Variants in KCND2 observed in about 807,000 individuals in gnomAD.
The protein encoded by KCND2 is A-type voltage-gated potassium channel KCND2.
Under a neutral mutation model 54.4 loss-of-function variants are expected in KCND2, and 16 were observed. The ratio of observed to expected loss-of-function variants is 0.29; its 90% confidence interval spans 0.20 to 0.45. The LOEUF (loss-of-function observed/expected upper bound fraction) is 0.45. KCND2 is among the 20% of genes least tolerant of loss of function. The pLI, the probability that KCND2 is intolerant of heterozygous loss-of-function variation, is 1.00. For synonymous variants in KCND2, 317 were observed against 310.7 expected, an observed-to-expected ratio of 1.02 and a Z score of -0.21; for missense variants, 486 against 824.2, an observed-to-expected ratio of 0.59 and a Z score of 5.02.
intron 1 of KCND2, among the ~76,000 whole-genome samples, chr7:120,534,022 A>G (rs138711339): frequency 2.3e-4 from 35 of 152,260 alleles, no homozygotes; most frequent in African/African-American, 8.4e-4. Context: ...AACAACATTC[A>G]TGAAAGTTTA....
At chr7:120,282,986 G>C (rs1013050156) in intron 1 of KCND2, among the ~76,000 whole-genome samples, 4 of 152,178 alleles carry the variant, frequency 2.6e-5, no homozygotes, top group Non-Finnish European at 5.9e-5. Context: ...ATGCCACGTA[G>C]AGATGAGTGC....
chr7:120,364,037 T>C (rs972786298), intron 1 of KCND2, among the ~76,000 whole-genome samples: 10 of 152,162 alleles, frequency 6.6e-5, no homozygotes, highest in Admixed American at 2.6e-4. Context: ...TTTGTCTGTT[T>C]TGTTTACTGA....
intron 1 of KCND2, among the ~76,000 whole-genome samples, chr7:120,462,533 C>T (rs1023893336): frequency 6.6e-6 from 1 of 151,876 alleles, no homozygotes; most frequent in Admixed American, 6.6e-5. Context: ...ATTACCATTT[C>T]TGATAATTCT....
chr7:120,743,421 G>A (rs1158884594), intron 4 of KCND2, among the ~76,000 whole-genome samples: 2 of 152,150 alleles, frequency 1.3e-5, no homozygotes, highest in Non-Finnish European at 2.9e-5. Flanking sequence ...GAGTGAGCCA[G>A]ACCCAAGAAA....
intron 1 of KCND2, among the ~76,000 whole-genome samples, chr7:120,422,577 G>A (rs568677799): frequency 6.6e-6 from 1 of 152,284 alleles, no homozygotes; most frequent in South Asian, 2.1e-4. Context: ...TATCCACTGG[G>A]AGAACCATAA....
At chr7:120,358,349 G>A (rs188748157) in intron 1 of KCND2, among the ~76,000 whole-genome samples, 3 of 151,938 alleles carry the variant, frequency 2.0e-5, no homozygotes, top group Non-Finnish European at 2.9e-5. Context: ...AGATTTAGGG[G>A]TTTTGTTTTT....
At chr7:120,289,041 C>T (rs1047672683) in intron 1 of KCND2, among the ~76,000 whole-genome samples, 12 of 38,392 alleles carry the variant, frequency 3.1e-4, no homozygotes, top group Non-Finnish European at 8.3e-4. Flanking sequence ...GACACAAACA[C>T]ACACACACAC....
At position 120,329,517 on chromosome 7, in the gene KCND2, T is replaced by G. The variant is rs775436367; in HGVS notation, c.1115+53770T>G. 2.0e-4 allele frequency among the ~76,000 whole-genome samples: 31 copies of G among 152,202 alleles called. 1 individual carries two copies. The highest frequency in any genetic ancestry group is 1.0e-4 in the Non-Finnish European group (7 of 68,034). ...TCTGATGCTATTTTTATTAAAATGATAAATTTAATACATTTTGAAGGAAAA... is the reference window on the plus strand; with the variant it reads ...TCTGATGCTATTTTTATTAAAATGAGAAATTTAATACATTTTGAAGGAAAA... On this transcript the variant is annotated intron_variant, in intron 1 of 5. Transcript: ENST00000331113.
chr7:120,350,074 AC>A (rs1800380595), intron 1 of KCND2, among the ~76,000 whole-genome samples: 2 of 152,206 alleles, frequency 1.3e-5, no homozygotes, highest in Admixed American at 1.3e-4. Flanking sequence ...GATTTTTCAG[AC>A]ATATAATAAT....
intron 1 of KCND2, among the ~76,000 whole-genome samples, chr7:120,702,163 A>T (rs1478039973): frequency 6.6e-6 from 1 of 152,186 alleles, no homozygotes; most frequent in Non-Finnish European, 1.5e-5. Context: ...AAGAAGACAT[A>T]CATGTGACCA....
intron 1 of KCND2, among the ~76,000 whole-genome samples, chr7:120,475,743 A>C (rs772789329): frequency 5.9e-5 from 9 of 152,228 alleles, no homozygotes; most frequent in Non-Finnish European, 1.3e-4. Flanking sequence ...AAGCAATAGA[A>C]AATTAATTGT....
At chr7:120,403,329 C>G (rs943311977) in intron 1 of KCND2, among the ~76,000 whole-genome samples, 1 of 128,326 alleles carries the variant, frequency 7.8e-6, no homozygotes, top group Non-Finnish European at 1.7e-5. Flanking sequence ...TTTTTTTTTT[C>G]TTTTATAGAC....
intron 1 of KCND2, among the ~76,000 whole-genome samples, chr7:120,412,645 C>T (rs566697469): frequency 2.6e-5 from 4 of 152,104 alleles, no homozygotes; most frequent in African/African-American, 4.8e-5. Flanking sequence ...CCACCCTGTG[C>T]GGTCATCAAG....
intron 1 of KCND2, among the ~76,000 whole-genome samples, chr7:120,456,963 C>A (rs68153227): frequency 6.6e-6 from 1 of 152,156 alleles, no homozygotes; most frequent in African/African-American, 2.4e-5. Context: ...GGAGGTTCCA[C>A]AACCTCAATT....
intron 1 of KCND2, among the ~76,000 whole-genome samples, chr7:120,683,520 G>A (rs1000776124): frequency 6.6e-6 from 1 of 152,036 alleles, no homozygotes; most frequent in African/African-American, 2.4e-5. Context: ...AATGTGAAAA[G>A]TTCTGTTTTT....
intron 1 of KCND2, among the ~76,000 whole-genome samples, chr7:120,730,955 C>A (rs1177354895): frequency 6.6e-6 from 1 of 152,118 alleles, no homozygotes; most frequent in Non-Finnish European, 1.5e-5. Context: ...TCCTTTGATC[C>A]CTGTCTCTCA....
At chr7:120,675,047 G>C (rs1369624531) in intron 1 of KCND2, among the ~76,000 whole-genome samples, 1 of 149,532 alleles carries the variant, frequency 6.7e-6, no homozygotes, top group African/African-American at 2.5e-5. Context: ...CTACCTACCT[G>C]CAGCTTTTGT....
At chr7:120,653,261 G>A (rs568785319) in intron 1 of KCND2, among the ~76,000 whole-genome samples, 1 of 150,944 alleles carries the variant, frequency 6.6e-6, no homozygotes, top group South Asian at 2.1e-4. Flanking sequence ...ACCCAGCCTG[G>A]TCTCAAACTT....
At chr7:120,619,323 A>G (rs1459480529) in intron 1 of KCND2, among the ~76,000 whole-genome samples, 1 of 152,230 alleles carries the variant, frequency 6.6e-6, no homozygotes, top group Non-Finnish European at 1.5e-5. Context: ...CTAGCTACTC[A>G]GGAAACTGAG....
Sources: gnomAD v4.1 joint callset for allele counts (sites outside exome capture counted in the v4.1 genomes callset) on GRCh38, gnomAD v4.1.1 for gene constraint, MANE v1.5 for transcripts, NCBI Gene and HGNC (gene_info 2026-07-23, HGNC 2026-07-21) for gene names.